The following BRINP2 variants were observed in gnomAD, a reference collection of about 807,000 sequenced individuals.
BRINP2 encodes the protein BMP/retinoic acid-inducible neural-specific protein 2.
BRINP2 carries 21 observed loss-of-function variants against 69.2 expected under a neutral mutation model. That is an observed-to-expected ratio of 0.30 (90% CI 0.22 to 0.44). The LOEUF is 0.44. Among genes scored for constraint, BRINP2 ranks in the 20% least tolerant of loss-of-function variants. BRINP2 has a pLI of 1.00. For synonymous variants in BRINP2, 380 were observed against 394.1 expected, an observed-to-expected ratio of 0.96 and a Z score of 0.42; for missense variants, 877 against 986.0, an observed-to-expected ratio of 0.89 and a Z score of 1.48.
chr1:177,186,042 A>G (rs1256505299), intron 1 of BRINP2, among the ~76,000 whole-genome samples: 3 of 152,212 alleles, frequency 2.0e-5, no homozygotes, highest in Non-Finnish European at 4.4e-5. Context: ...TATGCTTAGC[A>G]AAACAACCTG....
chr1:177,233,334 C>G (rs1166530450), intron 2 of BRINP2, among the ~76,000 whole-genome samples: 1 of 152,166 alleles, frequency 6.6e-6, no homozygotes, highest in Non-Finnish European at 1.5e-5. Context: ...ACATAGTTTT[C>G]TTGTTCCTCA....
intron 1 of BRINP2, among the ~76,000 whole-genome samples, chr1:177,207,179 G>T (rs532969198): frequency 1.8e-4 from 28 of 152,196 alleles, no homozygotes; most frequent in African/African-American, 6.7e-4. Context: ...CCTTTTCTAA[G>T]TAAAGGGTTA....
At chr1:177,202,261 T>C (rs1041367145) in intron 1 of BRINP2, among the ~76,000 whole-genome samples, 12 of 152,206 alleles carry the variant, frequency 7.9e-5, no homozygotes, top group Non-Finnish European at 1.5e-4. Flanking sequence ...ATGTGTTTGC[T>C]CTTGCTTCTC....
intron 1 of BRINP2, among the ~76,000 whole-genome samples, chr1:177,209,756 A>T (rs1346124590): frequency 1.3e-5 from 2 of 152,088 alleles, no homozygotes; most frequent in Non-Finnish European, 2.9e-5. Context: ...CTTATAGATA[A>T]CAAAAAAAAA....
chr1:177,244,319 G>A (rs1305418432), intron 2 of BRINP2, among the ~76,000 whole-genome samples: 3 of 152,150 alleles, frequency 2.0e-5, no homozygotes, highest in South Asian at 2.1e-4. Flanking sequence ...CTGCCTTCAC[G>A]TCTTACTTAT....
Position 177,216,059 on chromosome 1 carries a change from A to G in BRINP2, c.-76-13742A>G, listed in dbSNP as rs184896817. Among the ~76,000 whole-genome samples the G allele has an allele frequency of 4.6e-5, 7 of 152,062 alleles. No homozygotes were observed. The East Asian group carries it at 7.7e-4, about 17-fold the overall frequency. On this transcript the variant is annotated intron_variant, in intron 1 of 7. Coordinates refer to ENST00000361539, the MANE Select transcript of BRINP2 (RefSeq NM_021165.4). Reference sequence around the variant, plus strand: ...GCATATACTTGGACCTTGGATTTTTATCTATAAATTCACTCTATGTCTTTT... The same window carrying G: ...GCATATACTTGGACCTTGGATTTTTGTCTATAAATTCACTCTATGTCTTTT...
Position 177,170,988 on chromosome 1 carries a change from A to G in BRINP2, c.-821A>G. Reference sequence around the variant, plus strand: ...TGCAGGTGACACTGCTTAGGTACGGAGCGCGGAGTCGGAGCGGGGACGCGC... The same window carrying G: ...TGCAGGTGACACTGCTTAGGTACGGGGCGCGGAGTCGGAGCGGGGACGCGC... On this transcript the variant is annotated 5_prime_UTR_variant, in exon 1 of 8. Coordinates refer to ENST00000361539, the MANE Select transcript of BRINP2 (RefSeq NM_021165.4). Among the ~76,000 whole-genome samples the G allele has an allele frequency of 6.6e-6, 1 of 152,248 alleles. No homozygotes were observed. The highest frequency in any genetic ancestry group is 1.9e-4 in the East Asian group (1 of 5,190).
intron 1 of BRINP2, among the ~76,000 whole-genome samples, chr1:177,228,553 C>T (rs1018463620): frequency 6.6e-6 from 1 of 152,180 alleles, no homozygotes; most frequent in Non-Finnish European, 1.5e-5. Flanking sequence ...ATTAACACTC[C>T]TTGCCTCATC....
At chr1:177,212,377 C>G (rs1277096997) in intron 1 of BRINP2, among the ~76,000 whole-genome samples, 1 of 152,090 alleles carries the variant, frequency 6.6e-6, no homozygotes, top group Non-Finnish European at 1.5e-5. Flanking sequence ...AACCCCATCT[C>G]TACTGAAAAT....
intron 1 of BRINP2, among the ~76,000 whole-genome samples, chr1:177,185,796 A>G (rs1032971398): frequency 6.6e-6 from 1 of 152,086 alleles, no homozygotes; most frequent in Non-Finnish European, 1.5e-5. Flanking sequence ...TTGAGAGCCT[A>G]CCCTGTTCAC....
At position 177,281,336 on chromosome 1, in the gene BRINP2, C is replaced by T; in HGVS notation, c.2160C>T (p.Leu720=). 1 of 1,614,192 alleles carries T rather than the reference C, an allele frequency of 6.2e-7. No individual in the cohort carries two copies. The highest frequency in any genetic ancestry group is 2.2e-5 in the East Asian group (1 of 44,864). Residue 720 remains leucine (L), a synonymous_variant, in exon 8 of 8, where the codon CTC becomes CTT. Transcript: ENST00000361539. ...QGSQDSALLQ[L]IELRDRVNQL... ...CCCAGGACTCTGCACTCTTGCAGCT[C>T]ATTGAGCTCAGGGACCGGGTGAACC... is the stretch of plus-strand genomic sequence containing the variant.
At chr1:177,262,947 A>AGCAG (rs1651004221) in intron 4 of BRINP2, among the ~76,000 whole-genome samples, 1 of 152,230 alleles carries the variant, frequency 6.6e-6, no homozygotes, top group Admixed American at 6.5e-5. Flanking sequence ...TATCAGCTAC[A>AGCAG]TTTAGCAGTT....
chr1:177,251,948 T>C (rs1415114706), intron 2 of BRINP2, among the ~76,000 whole-genome samples: 1 of 152,164 alleles, frequency 6.6e-6, no homozygotes, highest in Non-Finnish European at 1.5e-5. Flanking sequence ...AGTCTAGACA[T>C]GCCCTATCCC....
chr1:177,181,962 A>G (rs1181930787), intron 1 of BRINP2, among the ~76,000 whole-genome samples: 2 of 152,298 alleles, frequency 1.3e-5, no homozygotes, highest in East Asian at 3.9e-4. Context: ...TAAAACCCTT[A>G]TCTGTAAGTA....
intron 6 of BRINP2, among the ~76,000 whole-genome samples, chr1:177,276,783 A>G (rs895405599): frequency 7.2e-5 from 11 of 152,224 alleles, no homozygotes; most frequent in Admixed American, 4.6e-4. Context: ...TATCTGTTGA[A>G]TCAATGAAGT....
intron 2 of BRINP2, among the ~76,000 whole-genome samples, chr1:177,237,126 C>T (rs1650051102): frequency 6.6e-6 from 1 of 152,088 alleles, no homozygotes; most frequent in South Asian, 2.1e-4. Flanking sequence ...ACTACTGGTT[C>T]AAATAAAAAT....
intron 7 of BRINP2, among the ~76,000 whole-genome samples, chr1:177,279,742 T>C (rs1287909222): frequency 6.6e-6 from 1 of 152,254 alleles, no homozygotes; most frequent in Non-Finnish European, 1.5e-5. Flanking sequence ...ACAGTGTTCC[T>C]TCTTTCATGG....
chr1:177,173,612 C>T lies in BRINP2; in HGVS notation c.-77+1880C>T, dbSNP rs147151354. Reference sequence around the variant, plus strand: ...TGGGGCTGGTCTCAAAGATGGGGAGCATCTTCCCTTTTTGGCCCTCAAAAT... The same window carrying T: ...TGGGGCTGGTCTCAAAGATGGGGAGTATCTTCCCTTTTTGGCCCTCAAAAT... On this transcript the variant is annotated intron_variant, in intron 1 of 7. Transcript: ENST00000361539. Among the ~76,000 whole-genome samples, 9 of 152,316 alleles carry T rather than the reference C, an allele frequency of 5.9e-5. No individual in the cohort carries two copies. In the East Asian group the frequency reaches 1.5e-3, roughly 26 times the overall value.
At chr1:177,259,452 G>A (rs6674400) in intron 4 of BRINP2, among the ~76,000 whole-genome samples, 1 of 151,970 alleles carries the variant, frequency 6.6e-6, no homozygotes, top group African/African-American at 2.4e-5. Flanking sequence ...CAGATCTAGC[G>A]AAGATCATTG....
Sources: gnomAD v4.1 joint callset for allele counts (sites outside exome capture counted in the v4.1 genomes callset) on GRCh38, gnomAD v4.1.1 for gene constraint, MANE v1.5 for transcripts, NCBI Gene and HGNC (gene_info 2026-07-23, HGNC 2026-07-21) for gene names.